The following ZNF727 variants were observed in gnomAD, a reference collection of about 807,000 sequenced individuals.
The protein encoded by ZNF727 is putative zinc finger protein 727.
In ZNF727, 11 loss-of-function variants were observed where a neutral mutation model predicts 11.5. That is an observed-to-expected ratio of 0.95 (90% CI 0.60 to 1.58). The LOEUF (loss-of-function observed/expected upper bound fraction) is 1.58, where lower values mean the gene tolerates loss of function less well. ZNF727 is among the 40% of genes most tolerant of loss of function. ZNF727 has a pLI of 0.00. For missense variants in ZNF727, 533 were observed against 581.7 expected (o/e 0.92, Z 0.86); for synonymous variants, 171 against 196.1 (o/e 0.87, Z 1.07).
At chr7:64,046,404 C>G (rs1789507824) in intron 1 of ZNF727, among the ~76,000 whole-genome samples, 1 of 152,148 alleles carries the variant, frequency 6.6e-6, no homozygotes, top group African/African-American at 2.4e-5. Context: ...TGTAATACCC[C>G]ATGTTGGAGG....
chr7:64,077,706 T>C lies in ZNF727; in HGVS notation c.657T>C (p.Asn219=), dbSNP rs773063648. The stretch of plus-strand genomic sequence containing the variant: ...AGTTCTCAAACCTTACTGAACATAA[T>C]AGAGTTCATACTGGAAAGAAACCCT... ...CKKFSNLTEH[N]RVHTGKKPYK... is the part of the protein sequence containing the mutation. The change falls in exon 4 of 4, where the codon AAT becomes AAC. Residue 219 remains asparagine (N), a synonymous_variant. Transcript: ENST00000456806. The C allele has an allele frequency of 4.4e-6, 7 of 1,576,546 alleles. No homozygotes were observed. The highest frequency in any genetic ancestry group is 6.0e-6 in the Non-Finnish European group (7 of 1,160,748).
In ZNF727 at chr7:64,078,655, A is replaced by T. The variant is rs1785733661; in HGVS notation, c.*106A>T. The T allele has an allele frequency of 7.4e-7, 1 of 1,356,186 alleles. No homozygotes were observed. The highest frequency in any genetic ancestry group is 1.8e-5 in the Admixed American group (1 of 57,106). 84.0% of individuals were successfully genotyped at this position (1,356,186 alleles called of 1,614,324 possible). A position where few individuals can be genotyped will look rare whatever the true frequency, so the allele number is the denominator to read the frequency against. The stretch of plus-strand genomic sequence containing the variant: ...AGAATTCATACTGGAGAGAAACCCT[A>T]CATTTGTGAAGAATGTGGCAAAGCC... On this transcript the variant is annotated 3_prime_UTR_variant, in exon 4 of 4. Coordinates refer to ENST00000456806, the MANE Select transcript of ZNF727 (RefSeq NM_001159522.3).
chr7:64,049,032 T>A (rs1355247970), intron 1 of ZNF727, among the ~76,000 whole-genome samples: 9 of 152,142 alleles, frequency 5.9e-5, no homozygotes, highest in African/African-American at 2.2e-4. Context: ...GGCACAGGTA[T>A]TGGCCAAGAA....
rs1445693591 is a variant in ZNF727, at chr7:64,080,399, C to T, written c.*1850C>T. Among the ~76,000 whole-genome samples, 2 of 152,092 alleles carry T rather than the reference C, an allele frequency of 1.3e-5. No homozygotes were observed. Among genetic ancestry groups the T allele is most frequent in the Non-Finnish European group, 2.9e-5 (2 of 68,008 alleles). On this transcript the variant is annotated 3_prime_UTR_variant, in exon 4 of 4. Transcript: ENST00000456806. ...GTCTGTCTTATTTCAGAAAGCCAGTCTTGAAGCTCTGAGATTCTTCCCTCT... is the reference window on the plus strand; with the variant it reads ...GTCTGTCTTATTTCAGAAAGCCAGTTTTGAAGCTCTGAGATTCTTCCCTCT...
At position 64,076,179 on chromosome 7, in the gene ZNF727, ATCAG is replaced by A. The variant is rs574808046; in HGVS notation, c.227-1093_227-1090del. Among the ~76,000 whole-genome samples the A allele has an allele frequency of 4.6e-5, 7 of 152,220 alleles. No individual in the cohort carries two copies. In the South Asian group the frequency reaches 6.2e-4, roughly 13 times the overall value. ...ATATTCGGACAGAAGTCAGATATGA[ATCAG>A]TCATACATATATTGCCATTATAATT... is the stretch of plus-strand genomic sequence containing the variant. On this transcript the variant is annotated intron_variant, in intron 3 of 3. Transcript: ENST00000456806.
At chr7:64,045,869 C>T (rs1054282040) in intron 1 of ZNF727, among the ~76,000 whole-genome samples, 6 of 152,158 alleles carry the variant, frequency 3.9e-5, no homozygotes, top group Non-Finnish European at 8.8e-5. Context: ...TTGGGCAGCT[C>T]TGTGTCGCAA....
chr7:64,057,207 A>G, intron 1 of ZNF727, among the ~76,000 whole-genome samples: 1 of 152,174 alleles, frequency 6.6e-6, no homozygotes, highest in South Asian at 2.1e-4. Flanking sequence ...CTCTCTAAGT[A>G]TGTTTTTACA....
At chr7:64,065,218 C>T (rs977621001) in intron 1 of ZNF727, among the ~76,000 whole-genome samples, 2 of 152,088 alleles carry the variant, frequency 1.3e-5, no homozygotes, top group Non-Finnish European at 2.9e-5. Flanking sequence ...GATACTTTCA[C>T]GAGAGGTGAG....
chr7:64,082,944 G>C lies in ZNF727; in HGVS notation c.*4395G>C, dbSNP rs1785816250. On this transcript the variant is annotated 3_prime_UTR_variant, in exon 4 of 4. Coordinates refer to ENST00000456806, the MANE Select transcript of ZNF727 (RefSeq NM_001159522.3). ...TGTAGGACAGCTCTGCTGTGCAGAA[G>C]TACCACTTCCACCCCCAGTTTATTT... Among the ~76,000 whole-genome samples, 4 of 151,866 alleles carry C rather than the reference G, an allele frequency of 2.6e-5. No individual in the cohort carries two copies. The highest frequency in any genetic ancestry group is 2.6e-4 in the Admixed American group (4 of 15,274).
intron 1 of ZNF727, among the ~76,000 whole-genome samples, chr7:64,051,111 GTT>G (rs1033174169): frequency 2.6e-5 from 4 of 152,022 alleles, no homozygotes; most frequent in African/African-American, 7.2e-5. Flanking sequence ...ACAGTATACA[GTT>G]TTATTTAGTC....
At chr7:64,074,185 T>C (rs1289839040) in intron 3 of ZNF727, among the ~76,000 whole-genome samples, 2 of 152,146 alleles carry the variant, frequency 1.3e-5, no homozygotes, top group Admixed American at 6.6e-5. Context: ...AGATAACACA[T>C]GTGAAATGTC....
chr7:64,047,872 G>A lies in ZNF727; in HGVS notation c.3+2248G>A, dbSNP rs1789533035. 3.3e-5 allele frequency among the ~76,000 whole-genome samples: 5 copies of A among 152,378 alleles called. No homozygotes were observed. The South Asian group carries it at 1.0e-3, about 32-fold the overall frequency. ...GCCCTCTGGTTTCTCTCAGGCTTGTGAAGGAGAATAACTGTCCCAAAGTAT... is the reference window on the plus strand; with the variant it reads ...GCCCTCTGGTTTCTCTCAGGCTTGTAAAGGAGAATAACTGTCCCAAAGTAT... On this transcript the variant is annotated intron_variant, in intron 1 of 3. Transcript: ENST00000456806.
chr7:64,048,981 G>A (rs375389472), intron 1 of ZNF727, among the ~76,000 whole-genome samples: 15 of 152,000 alleles, frequency 9.9e-5, no homozygotes, highest in Non-Finnish European at 2.9e-5. Context: ...TGGAGAGGGC[G>A]GTGACCAAAT....
chr7:64,082,103 C>G lies in ZNF727; in HGVS notation c.*3554C>G, dbSNP rs1040366244. The stretch of plus-strand genomic sequence containing the variant: ...GCTCGTTTGAGGTGTGAATAAGGCA[C>G]TTAGGGTGTTGGATTTTTCATTAGT... On this transcript the variant is annotated 3_prime_UTR_variant, in exon 4 of 4. Transcript: ENST00000456806. Among the ~76,000 whole-genome samples the G allele has an allele frequency of 5.3e-5, 8 of 152,044 alleles. No homozygotes were observed. The highest frequency in any genetic ancestry group is 1.3e-4 in the Admixed American group (2 of 15,262).
intron 1 of ZNF727, among the ~76,000 whole-genome samples, chr7:64,047,266 G>C (rs922400012): frequency 3.9e-5 from 6 of 152,186 alleles, no homozygotes; most frequent in African/African-American, 1.4e-4. Flanking sequence ...TCCCTGTCCA[G>C]ATCACATTAT....
chr7:64,045,816 G>A (rs1246162019), intron 1 of ZNF727, among the ~76,000 whole-genome samples, 192 bp downstream of exon 1: 2 of 152,122 alleles, frequency 1.3e-5, no homozygotes, highest in Non-Finnish European at 2.9e-5. Flanking sequence ...CGAGCGTCTT[G>A]TTTTGTCCAT....
In ZNF727 at chr7:64,083,484, T is replaced by G. The variant is rs1785825222; in HGVS notation, c.*4935T>G. ...GGGTATGTACAAGGTTATAACCTCC[T>G]GTTTGCTGAGTTGCAGCTACTTTTT... On this transcript the variant is annotated 3_prime_UTR_variant, in exon 4 of 4. Transcript: ENST00000456806. Among the ~76,000 whole-genome samples the G allele has an allele frequency of 6.6e-6, 1 of 152,228 alleles. No homozygotes were observed. Among genetic ancestry groups the G allele is most frequent in the South Asian group, 2.1e-4 (1 of 4,834 alleles).
chr7:64,060,265 T>C (rs181394364), intron 1 of ZNF727, among the ~76,000 whole-genome samples: 1 of 152,374 alleles, frequency 6.6e-6, no homozygotes, highest in East Asian at 1.9e-4. Context: ...AATTTTCTTC[T>C]ACCATTTTAG....
chr7:64,070,728 CT>C (rs1789947057), intron 3 of ZNF727, among the ~76,000 whole-genome samples: 1 of 152,024 alleles, frequency 6.6e-6, no homozygotes, highest in South Asian at 2.1e-4. Flanking sequence ...GTTACCATAA[CT>C]TATGTCTTTT....
Sources: allele counts gnomAD v4.1 joint callset (sites outside exome capture counted in the v4.1 genomes callset), GRCh38; gene constraint gnomAD v4.1.1; transcripts MANE v1.5; gene names NCBI Gene and HGNC (gene_info 2026-07-23, HGNC 2026-07-21).